The following NHEJ1 variants were observed in gnomAD, a reference collection of about 807,000 sequenced individuals.
The protein encoded by NHEJ1 is non-homologous end joining factor 1, also known as non-homologous end-joining factor 1.
A neutral mutation model predicts 39.4 loss-of-function variants in NHEJ1; 22 were observed. The ratio of observed to expected loss-of-function variants is 0.56; its 90% CI spans 0.40 to 0.80. NHEJ1 has a LOEUF of 0.80. Among genes scored for constraint, NHEJ1 ranks in the 30% least tolerant of loss-of-function variants. The probability of loss-of-function intolerance (pLI) is 0.00; values close to 1 mark genes in which losing one functional copy is unlikely to be tolerated. For missense variants in NHEJ1, 329 were observed against 357.1 expected (o/e 0.92, Z 0.63); for synonymous variants, 154 against 135.6 (o/e 1.14, Z -0.94).
chr2:219,101,550 A>G (rs1376536101), intron 5 of NHEJ1, among the ~76,000 whole-genome samples: 1 of 152,052 alleles, frequency 6.6e-6, no homozygotes, highest in Non-Finnish European at 1.5e-5. Context: ...AGCTGGGACT[A>G]CAGGAACTTG....
intron 5 of NHEJ1, among the ~76,000 whole-genome samples, chr2:219,123,419 T>G (rs1443466635): frequency 2.6e-5 from 4 of 151,996 alleles, no homozygotes; most frequent in Admixed American, 6.6e-5. Context: ...CACCTACAGA[T>G]CCTCAACCCA....
At position 219,069,940 on chromosome 2, in the gene NHEJ1, T is replaced by G. The variant is rs552305469; in HGVS notation, c.*6441A>C. On this transcript the variant is annotated 3_prime_UTR_variant, in exon 8 of 8. Transcript: ENST00000356853. ...AGCAATTCAAGGGAATGGCACTGGC[T>G]TGTAGGAAATGTATTGGGAATGAGA... The G allele has an allele frequency of 1.3e-5, 2 of 152,328 alleles. No individual in the cohort carries two copies. The highest frequency in any genetic ancestry group is 4.1e-4 in the South Asian group (2 of 4,824). 9.4% of individuals were successfully genotyped at this position (152,328 alleles called of 1,614,324 possible).
At chr2:219,141,408 G>A (rs72951802) in intron 5 of NHEJ1, among the ~76,000 whole-genome samples, 19,338 of 150,742 alleles carry the variant, frequency 0.13, 1,243 homozygotes, top group East Asian at 0.15. Flanking sequence ...GGGAGTGGGG[G>A]AAAAGGGAGA....
intron 5 of NHEJ1, among the ~76,000 whole-genome samples, chr2:219,131,152 C>A (rs1949574758): frequency 6.6e-6 from 1 of 152,160 alleles, no homozygotes; most frequent in African/African-American, 2.4e-5. Flanking sequence ...AGAGGAGCCC[C>A]CAGCATTCAG....
chr2:219,082,175 A>AT (rs763971697), intron 5 of NHEJ1, among the ~76,000 whole-genome samples: 8 of 152,062 alleles, frequency 5.3e-5, no homozygotes, highest in South Asian at 2.1e-4. Flanking sequence ...TAGTAGTGTG[A>AT]TTTTTTCAAC....
rs912818874 is a variant in NHEJ1, at chr2:219,160,708, G to C, written c.-1+12C>G. 2 of 152,436 alleles carry C rather than the reference G, an allele frequency of 1.3e-5. No homozygotes were observed. Among genetic ancestry groups the C allele is most frequent in the Non-Finnish European group, 2.9e-5 (2 of 68,186 alleles). The allele number at this position is 152,436 out of a possible 1,614,324, so 9.4% of individuals were successfully genotyped here. A position where few individuals can be genotyped will look rare whatever the true frequency, so the allele number is the denominator to read the frequency against. On this transcript the variant is annotated intron_variant, in intron 1 of 7. Transcript: ENST00000356853. Reference sequence around the variant, plus strand: ...CTTGCTCCTGCCCGGACTCGAACGCGATTCCACCTACCGTCAGCGGCCGCG... The same window carrying C: ...CTTGCTCCTGCCCGGACTCGAACGCCATTCCACCTACCGTCAGCGGCCGCG...
rs55769287 is a variant in NHEJ1, at chr2:219,077,650, A to ATT, written c.707-288_707-287dup. Reference sequence around the variant, plus strand: ...TCACATGTCTCAGGTATGGAGATTAATTTTTTTTTTTTTTAAAGAGATGAG... The same window carrying ATT: ...TCACATGTCTCAGGTATGGAGATTAATTTTTTTTTTTTTTTTAAAGAGATGAG... On this transcript the variant is annotated intron_variant, in intron 6 of 7. Transcript: ENST00000356853. Among the ~76,000 whole-genome samples the ATT allele has an allele frequency of 5.9e-3, 870 of 146,266 alleles. 5 individuals carry two copies. Among genetic ancestry groups the ATT allele is most frequent in the African/African-American group, 0.018 (720 of 40,026 alleles).
At chr2:219,080,499 T>G (rs1949052196) in intron 5 of NHEJ1, among the ~76,000 whole-genome samples, 1 of 150,480 alleles carries the variant, frequency 6.6e-6, no homozygotes, top group Non-Finnish European at 1.5e-5. Context: ...CACTCCAGCC[T>G]GGGCGACAGA....
At chr2:219,097,496 T>C (rs934689467) in intron 5 of NHEJ1, among the ~76,000 whole-genome samples, 2 of 152,212 alleles carry the variant, frequency 1.3e-5, no homozygotes, top group African/African-American at 2.4e-5. Flanking sequence ...ATATTGTCCA[T>C]GCTGGATTCA....
At chr2:219,157,383 A>G in intron 3 of NHEJ1, 89 bp downstream of exon 3, 1 of 1,150,790 alleles carries the variant, frequency 8.7e-7, no homozygotes, top group Non-Finnish European at 1.3e-6. Context: ...AATTTCAAAC[A>G]AGGTTTGCAA....
At chr2:219,108,143 T>C (rs1250650921) in intron 5 of NHEJ1, among the ~76,000 whole-genome samples, 1 of 152,136 alleles carries the variant, frequency 6.6e-6, no homozygotes, top group Admixed American at 6.5e-5. Context: ...AAATCTAGCT[T>C]TGTCCAGCCC....
rs182554791 is a variant in NHEJ1 at position 219,140,806 on chromosome 2, C to T, written c.588+5874G>A. 3.5e-4 allele frequency among the ~76,000 whole-genome samples: 53 copies of T among 152,304 alleles called. 1 individual carries two copies. In the East Asian group the frequency reaches 9.8e-3, roughly 28 times the overall value. ...TACAGTGAAGAATAAATGTGAGATT[C>T]ATCCACAAGGTGGTATTTAAAGATG... On this transcript the variant is annotated intron_variant, in intron 5 of 7. Coordinates refer to ENST00000356853, the MANE Select transcript of NHEJ1 (RefSeq NM_024782.3).
chr2:219,084,118 T>C (rs1949091160), intron 5 of NHEJ1, among the ~76,000 whole-genome samples: 1 of 151,528 alleles, frequency 6.6e-6, no homozygotes. Flanking sequence ...GCGATTCTCC[T>C]GCCTCAGCCT....
chr2:219,146,334 C>A (rs557819565), intron 5 of NHEJ1, among the ~76,000 whole-genome samples: 1 of 152,294 alleles, frequency 6.6e-6, no homozygotes, highest in Non-Finnish European at 1.5e-5. Context: ...CCCTTCTCCT[C>A]CACAGTCCAG....
intron 5 of NHEJ1, among the ~76,000 whole-genome samples, chr2:219,088,193 C>A (rs1250052801): frequency 6.6e-6 from 1 of 152,192 alleles, no homozygotes; most frequent in Admixed American, 6.5e-5. Context: ...AAAATATACA[C>A]AACTATGACC....
intron 3 of NHEJ1, among the ~76,000 whole-genome samples, chr2:219,155,313 C>G (rs940259439): frequency 2.0e-5 from 3 of 151,876 alleles, no homozygotes; most frequent in Non-Finnish European, 4.4e-5. Flanking sequence ...GCTTGTAATC[C>G]CAACACCTTG....
intron 3 of NHEJ1, among the ~76,000 whole-genome samples, chr2:219,149,206 A>C (rs1197488645): frequency 1.3e-5 from 2 of 152,074 alleles, no homozygotes; most frequent in South Asian, 4.1e-4. Flanking sequence ...TTTTAACAAG[A>C]GGTAAGAAGA....
chr2:219,076,582 C>T lies in NHEJ1; in HGVS notation c.826-127G>A, dbSNP rs919332595. On this transcript the variant is annotated intron_variant, in intron 7 of 7. Coordinates refer to ENST00000356853, the MANE Select transcript of NHEJ1 (RefSeq NM_024782.3). ...CTTTTTTTTTTTTTTTTTTTTTTTC[C>T]ACCCAGGCTGGAGTACATGGGCACA... 8.9e-6 allele frequency: 7 copies of T among 784,492 alleles called. No individual in the cohort carries two copies. In the African/African-American group the frequency reaches 1.3e-4, roughly 15 times the overall value. 48.6% of individuals were successfully genotyped at this position (784,492 alleles called of 1,614,324 possible). A position where few individuals can be genotyped will look rare whatever the true frequency, so the allele number is the denominator to read the frequency against.
chr2:219,117,850 T>C (rs1391974133), intron 5 of NHEJ1, among the ~76,000 whole-genome samples: 2 of 152,208 alleles, frequency 1.3e-5, no homozygotes, highest in Non-Finnish European at 2.9e-5. Flanking sequence ...AGATTAACGA[T>C]AAGATTTATA....
Sources: allele counts gnomAD v4.1 joint callset (sites outside exome capture counted in the v4.1 genomes callset), GRCh38; gene constraint gnomAD v4.1.1; transcripts MANE v1.5; gene names NCBI Gene and HGNC (gene_info 2026-07-23, HGNC 2026-07-21).